Variants in NTRK3 observed in about 807,000 individuals in gnomAD.
NTRK3 encodes neurotrophic receptor tyrosine kinase 3, also known as NT-3 growth factor receptor.
Under a neutral mutation model 91.7 loss-of-function variants are expected in NTRK3, and 24 were observed. The ratio of observed to expected loss-of-function variants is 0.26; its 90% CI spans 0.19 to 0.37. NTRK3 has a LOEUF of 0.37. Ranked by LOEUF, NTRK3 falls within the 10% of genes least tolerant of loss-of-function variation. The probability of loss-of-function intolerance (pLI) is 1.00; values close to 1 mark genes in which losing one functional copy is unlikely to be tolerated. For missense variants in NTRK3, 880 were observed against 1,068.9 expected (o/e 0.82, Z 2.46); for synonymous variants, 483 against 404.0 (o/e 1.20, Z -2.34).
At position 88,069,871 on chromosome 15, in the gene NTRK3, A is replaced by G. The variant is rs566119323; in HGVS notation, c.1397-36826T>C. Among the ~76,000 whole-genome samples, 6 of 152,310 alleles carry G rather than the reference A, an allele frequency of 3.9e-5. No homozygotes were observed. In the East Asian group the frequency reaches 9.7e-4, roughly 25 times the overall value. On this transcript the variant is annotated intron_variant, in intron 13 of 18. Coordinates refer to ENST00000394480, the Ensembl canonical transcript of NTRK3. ...AGGGATCTCAGGCCCCGAACAGCCC[A>G]GAAATACAAGGTGCCTCCTCTCTGG...
chr15:87,949,465 C>T (rs1207458119), intron 14 of NTRK3, among the ~76,000 whole-genome samples: 1 of 152,014 alleles, frequency 6.6e-6, no homozygotes, highest in African/African-American at 2.4e-5. Flanking sequence ...ACTGTGTTCC[C>T]ACCAAGATGA....
intron 13 of NTRK3, among the ~76,000 whole-genome samples, chr15:88,064,965 G>C (rs1458254724): frequency 6.6e-6 from 1 of 152,112 alleles, no homozygotes; most frequent in African/African-American, 2.4e-5. Context: ...GCTTTTCTTC[G>C]TATCTCCAAA....
At position 88,189,712 on chromosome 15, in the gene NTRK3, G is replaced by C. The variant is rs2047236894; in HGVS notation, c.249-5413C>G. ...ACCTGCCTCGGCCTCCCAAAGTGCT[G>C]GGATTACAGGCGTGAGCCACCATTG... On this transcript the variant is annotated intron_variant, in intron 3 of 18. Coordinates refer to ENST00000394480, the Ensembl canonical transcript of NTRK3. Among the ~76,000 whole-genome samples the C allele has an allele frequency of 2.0e-5, 3 of 152,092 alleles. No individual in the cohort carries two copies. In the South Asian group the frequency reaches 6.2e-4, roughly 32 times the overall value.
At chr15:87,895,346 T>C (rs76605919) in intron 17 of NTRK3, among the ~76,000 whole-genome samples, 1 of 152,352 alleles carries the variant, frequency 6.6e-6, no homozygotes, top group East Asian at 1.9e-4. Flanking sequence ...GTTTACATTT[T>C]GGTTCTGAGG....
intron 14 of NTRK3, among the ~76,000 whole-genome samples, chr15:87,996,612 C>T (rs981449741): frequency 6.6e-6 from 1 of 152,202 alleles, no homozygotes; most frequent in Non-Finnish European, 1.5e-5. Context: ...AAACTCAGGA[C>T]AGCATGCCTG....
chr15:87,957,499 A>G (rs1348554385), intron 14 of NTRK3, among the ~76,000 whole-genome samples: 1 of 152,212 alleles, frequency 6.6e-6, no homozygotes, highest in Non-Finnish European at 1.5e-5. Context: ...ATGGACTCAT[A>G]AGATGTCCTA....
intron 17 of NTRK3, among the ~76,000 whole-genome samples, chr15:87,903,966 C>T (rs544813680): frequency 6.6e-6 from 1 of 152,118 alleles, no homozygotes; most frequent in Non-Finnish European, 1.5e-5. Context: ...ACTCGCATGC[C>T]AAGAGGGGTG....
intron 3 of NTRK3, among the ~76,000 whole-genome samples, chr15:88,224,552 G>A (rs2050517510): frequency 6.6e-6 from 1 of 152,204 alleles, no homozygotes; most frequent in Non-Finnish European, 1.5e-5. Flanking sequence ...TTGAATTTCA[G>A]ATAAGCATTG....
At chr15:88,160,914 C>T (rs1007252506) in intron 5 of NTRK3, among the ~76,000 whole-genome samples, 1 of 152,100 alleles carries the variant, frequency 6.6e-6, no homozygotes, top group Non-Finnish European at 1.5e-5. Context: ...TGGGACCTGC[C>T]CTGAGAAAGT....
chr15:87,884,687 T>A (rs2065437556), intron 17 of NTRK3, among the ~76,000 whole-genome samples: 1 of 151,774 alleles, frequency 6.6e-6, no homozygotes, highest in African/African-American at 2.4e-5. Context: ...AATGTAAGAA[T>A]GTCTCAACCT....
intron 10 of NTRK3, among the ~76,000 whole-genome samples, chr15:88,130,781 C>A (rs2041255281): frequency 6.6e-6 from 1 of 152,174 alleles, no homozygotes; most frequent in Admixed American, 6.5e-5. Context: ...TGAGATGACA[C>A]AGGAACTCAA....
chr15:87,908,397 T>A (rs943250645), intron 17 of NTRK3: 3 of 398,328 alleles, frequency 7.5e-6, no homozygotes, highest in African/African-American at 6.2e-5. Context: ...CCCCAGCCCA[T>A]GGAAGTGCCT....
rs563180570 is a variant in NTRK3 at position 88,188,822 on chromosome 15, A to T, written c.249-4523T>A. ...CCAGATGCAACAGTGGTCTCTTCTC[A>T]CCATCTCTGGCTGGAACCCACTGGC... On this transcript the variant is annotated intron_variant, in intron 3 of 18. Coordinates refer to ENST00000394480, the Ensembl canonical transcript of NTRK3. Among the ~76,000 whole-genome samples the T allele has an allele frequency of 1.3e-5, 2 of 152,284 alleles. 1 individual carries two copies. The highest frequency in any genetic ancestry group is 4.1e-4 in the South Asian group (2 of 4,824).
At chr15:88,125,163 A>G (rs967605831) in intron 13 of NTRK3, among the ~76,000 whole-genome samples, 3 of 152,180 alleles carry the variant, frequency 2.0e-5, no homozygotes, top group African/African-American at 4.8e-5. Context: ...ATTTCCCTAT[A>G]TATCAGTGTT....
chr15:87,979,161 T>C (rs2073982902), intron 14 of NTRK3: 1 of 643,854 alleles, frequency 1.6e-6, no homozygotes, highest in Non-Finnish European at 2.8e-6. Flanking sequence ...GGGGCAACCC[T>C]GCCAGTGGTG....
intron 14 of NTRK3, among the ~76,000 whole-genome samples, chr15:87,991,900 T>C (rs1001260829): frequency 3.3e-5 from 5 of 151,774 alleles, no homozygotes; most frequent in African/African-American, 9.7e-5. Context: ...TCTTTGTCTA[T>C]CTCCCAGATG....
chr15:88,127,008 A>G (rs947596271), intron 12 of NTRK3, among the ~76,000 whole-genome samples, 154 bp downstream of exon 12: 5 of 152,202 alleles, frequency 3.3e-5, no homozygotes, highest in African/African-American at 7.2e-5. Flanking sequence ...CCATCCAACA[A>G]GGAAGGTTTA....
chr15:88,252,326 T>C (rs1270364050), intron 3 of NTRK3, among the ~76,000 whole-genome samples: 1 of 152,032 alleles, frequency 6.6e-6, no homozygotes, highest in African/African-American at 2.4e-5. Context: ...GGAGCCAACA[T>C]GACGGCCAAA....
chr15:87,889,857 G>A (rs1197694950), intron 17 of NTRK3, among the ~76,000 whole-genome samples: 1 of 151,850 alleles, frequency 6.6e-6, no homozygotes, highest in African/African-American at 2.4e-5. Context: ...TTTGAAAGTT[G>A]GATCCAGAAA....
Sources: allele counts gnomAD v4.1 joint callset (sites outside exome capture counted in the v4.1 genomes callset), GRCh38; gene constraint gnomAD v4.1.1; transcripts MANE v1.5; gene names NCBI Gene and HGNC (gene_info 2026-07-23, HGNC 2026-07-21).